Variants in GARIN2 observed in about 807,000 individuals in gnomAD.
The protein encoded by GARIN2 is golgi associated RAB2 interactor family member 2.
chr14:67,194,932 A>G, the GARIN2 span, among the ~76,000 whole-genome samples: 1 of 152,208 alleles, frequency 6.6e-6, no homozygotes, highest in East Asian at 1.9e-4. Context: ...TGCTGGGATT[A>G]TAGGCGTGAG....
At chr14:67,193,361 T>C in the GARIN2 span, among the ~76,000 whole-genome samples, 2 of 133,742 alleles carry the variant, frequency 1.5e-5, no homozygotes, top group African/African-American at 2.6e-5. Flanking sequence ...TAGAGATATA[T>C]AATCTATCTA....
At chr14:67,218,045 T>C in the GARIN2 span, among the ~76,000 whole-genome samples, 7 of 152,072 alleles carry the variant, frequency 4.6e-5, no homozygotes, top group African/African-American at 1.7e-4. Context: ...TCTTTAGTGT[T>C]TGCAAGTTTC....
At chr14:67,193,317 T>C in the GARIN2 span, among the ~76,000 whole-genome samples, 22 of 126,916 alleles carry the variant, frequency 1.7e-4, no homozygotes, top group African/African-American at 5.8e-4. Flanking sequence ...TCTATATAGA[T>C]ATCTATATAT....
chr14:67,220,524 A>C, the GARIN2 span, among the ~76,000 whole-genome samples: 1 of 152,152 alleles, frequency 6.6e-6, no homozygotes, highest in African/African-American at 2.4e-5. Flanking sequence ...TAAATTGAGC[A>C]TCTTAAATCT....
the GARIN2 span, chr14:67,223,862 C>A: frequency 1.0e-6 from 1 of 985,784 alleles, no homozygotes; most frequent in Non-Finnish European, 1.2e-6. Context: ...ACTTAACACC[C>A]TGTACCCCAA....
the GARIN2 span, chr14:67,199,248 G>C: frequency 3.4e-5 from 54 of 1,600,446 alleles, no homozygotes; most frequent in Non-Finnish European, 4.2e-5. Context: ...GAATTCTTGA[G>C]TGAGGATGAT....
At chr14:67,225,950 TGTGTGTGTGTGTGC>T in the GARIN2 span, among the ~76,000 whole-genome samples, 233 of 138,188 alleles carry the variant, frequency 1.7e-3, no homozygotes, top group African/African-American at 6.5e-3. Flanking sequence ...TGTGTGTGTG[TGTGTGTGTGTGTGC>T]GCGCGCGCGC....
the GARIN2 span, chr14:67,208,295 A>G: frequency 1.9e-6 from 3 of 1,613,904 alleles, no homozygotes; most frequent in Non-Finnish European, 2.5e-6. Context: ...CACCATCTCA[A>G]ACATAACACT....
chr14:67,193,498 T>C, the GARIN2 span, among the ~76,000 whole-genome samples: 2 of 133,312 alleles, frequency 1.5e-5, no homozygotes, highest in African/African-American at 5.4e-5. Flanking sequence ...GCTATATATC[T>C]AGATATCCAT....
chr14:67,201,629 C>A, the GARIN2 span: 1 of 430,880 alleles, frequency 2.3e-6, no homozygotes. Context: ...GGAGTGGAAC[C>A]ACCACTACCC....
the GARIN2 span, chr14:67,201,588 A>G: frequency 2.2e-6 from 1 of 454,086 alleles, no homozygotes; most frequent in Non-Finnish European, 4.4e-6. Flanking sequence ...GTCACATGCC[A>G]CTGCTGAAAC....
At chr14:67,200,442 A>T in the GARIN2 span, 1 of 458,238 alleles carries the variant, frequency 2.2e-6, no homozygotes, top group Non-Finnish European at 3.9e-6. Flanking sequence ...CAGCACCCCC[A>T]CCCCATTCCC....
At chr14:67,212,641 T>TA in the GARIN2 span, among the ~76,000 whole-genome samples, 1 of 144,842 alleles carries the variant, frequency 6.9e-6, no homozygotes, top group South Asian at 2.1e-4. Flanking sequence ...ATAATATATA[T>TA]TACATATATA....
At chr14:67,192,862 A>C in the GARIN2 span, among the ~76,000 whole-genome samples, 1 of 139,050 alleles carries the variant, frequency 7.2e-6, no homozygotes, top group African/African-American at 3.0e-5. Context: ...ATATACAGAT[A>C]TATATAGATA....
the GARIN2 span, among the ~76,000 whole-genome samples, chr14:67,222,263 A>T: frequency 6.6e-6 from 1 of 152,104 alleles, no homozygotes; most frequent in African/African-American, 2.4e-5. Context: ...AGCCTCTACC[A>T]GGTGATACTA....
At chr14:67,200,231 C>A in the GARIN2 span, 1 of 994,384 alleles carries the variant, frequency 1.0e-6, no homozygotes, top group Non-Finnish European at 1.5e-6. Context: ...CTCCACAACC[C>A]ACACCCTATG....
chr14:67,202,049 A>T, the GARIN2 span, among the ~76,000 whole-genome samples: 1 of 152,204 alleles, frequency 6.6e-6, no homozygotes, highest in East Asian at 1.9e-4. Flanking sequence ...CTCAGGGGAG[A>T]CTTCCATGAG....
the GARIN2 span, among the ~76,000 whole-genome samples, chr14:67,194,150 C>G: frequency 2.6e-4 from 39 of 151,828 alleles, no homozygotes; most frequent in East Asian, 7.2e-3. Context: ...ATTGCTTGAG[C>G]TCAGGAGTTC....
the GARIN2 span, among the ~76,000 whole-genome samples, chr14:67,192,848 A>G: frequency 5.5e-5 from 8 of 146,304 alleles, no homozygotes; most frequent in Non-Finnish European, 1.2e-4. Context: ...ATATCTATAT[A>G]TAGATATACA....
Sources: allele counts gnomAD v4.1 joint callset (sites outside exome capture counted in the v4.1 genomes callset), GRCh38; gene constraint gnomAD v4.1.1; transcripts MANE v1.5; gene names NCBI Gene and HGNC (gene_info 2026-07-23, HGNC 2026-07-21).